RABGAP1: variants seen among roughly 807,000 people sequenced by gnomAD.
RABGAP1 encodes the protein RAB GTPase activating protein 1.
RABGAP1 carries 23 observed loss-of-function variants against 137.6 expected under a neutral mutation model. The ratio of observed to expected loss-of-function variants is 0.17; its 90% CI spans 0.12 to 0.24. The LOEUF (loss-of-function observed/expected upper bound fraction) is 0.24, where lower values mean the gene tolerates loss of function less well. Among genes scored for constraint, RABGAP1 ranks in the 10% least tolerant of loss-of-function variants. The pLI, the probability that RABGAP1 is intolerant of heterozygous loss-of-function variation, is 1.00. For synonymous variants in RABGAP1, 451 were observed against 450.7 expected (o/e 1.00, Z -0.01); for missense variants, 906 against 1,275.8 (o/e 0.71, Z 4.42).
intron 21 of RABGAP1, among the ~76,000 whole-genome samples, chr9:123,092,487 T>G (rs2035059654): frequency 6.6e-6 from 1 of 152,120 alleles, no homozygotes; most frequent in Non-Finnish European, 1.5e-5. Context: ...TTTTAACAGC[T>G]ATAAAACTTG....
At chr9:123,091,106 G>C (rs1464690627) in intron 21 of RABGAP1, among the ~76,000 whole-genome samples, 1 of 152,218 alleles carries the variant, frequency 6.6e-6, no homozygotes, top group Admixed American at 6.5e-5. Context: ...GCATGGCTAT[G>C]TTCCAGTTAA....
At chr9:123,036,128 A>G (rs566727595) in intron 13 of RABGAP1, among the ~76,000 whole-genome samples, 2 of 152,384 alleles carry the variant, frequency 1.3e-5, no homozygotes, top group African/African-American at 2.4e-5. Context: ...CTACACTGCA[A>G]GTTTCAACAC....
intron 13 of RABGAP1, among the ~76,000 whole-genome samples, chr9:123,056,092 C>T (rs1301651700): frequency 6.6e-6 from 1 of 152,162 alleles, no homozygotes; most frequent in South Asian, 2.1e-4. Context: ...AGGGTTGGTT[C>T]CTTTTGTTAG....
intron 10 of RABGAP1, among the ~76,000 whole-genome samples, chr9:123,009,746 T>C (rs371051454): frequency 5.9e-5 from 9 of 152,306 alleles, no homozygotes; most frequent in African/African-American, 2.2e-4. Flanking sequence ...GTAATCAACA[T>C]TTTTGTGGTT....
intron 17 of RABGAP1, among the ~76,000 whole-genome samples, chr9:123,074,768 C>T (rs1340899597): frequency 6.6e-6 from 1 of 152,226 alleles, no homozygotes; most frequent in Non-Finnish European, 1.5e-5. Context: ...GCGTGCCTTC[C>T]CCTCACTCTG....
intron 2 of RABGAP1, among the ~76,000 whole-genome samples, chr9:122,977,897 A>G (rs1202274565): frequency 6.6e-6 from 1 of 152,206 alleles, no homozygotes; most frequent in Non-Finnish European, 1.5e-5. Context: ...ACGTGAAGTT[A>G]ATGCCAAAGA....
chr9:122,960,718 C>T (rs935100661), intron 2 of RABGAP1, among the ~76,000 whole-genome samples: 1 of 152,098 alleles, frequency 6.6e-6, no homozygotes, highest in Non-Finnish European at 1.5e-5. Context: ...TAACACAGAG[C>T]TTTCAAGGTA....
At chr9:123,075,966 CT>C (rs940976355) in intron 17 of RABGAP1, among the ~76,000 whole-genome samples, 2 of 152,106 alleles carry the variant, frequency 1.3e-5, no homozygotes, top group African/African-American at 4.8e-5. Flanking sequence ...TATGACTGAT[CT>C]TTTGGTTTGG....
intron 19 of RABGAP1, among the ~76,000 whole-genome samples, chr9:123,078,541 A>G (rs2034595120): frequency 6.6e-6 from 1 of 152,208 alleles, no homozygotes; most frequent in Non-Finnish European, 1.5e-5. Context: ...AATATTTTCA[A>G]AGAAAATAGG....
At chr9:123,082,513 G>A (rs746956449) in intron 19 of RABGAP1, among the ~76,000 whole-genome samples, 4 of 152,218 alleles carry the variant, frequency 2.6e-5, no homozygotes, top group African/African-American at 9.6e-5. Context: ...TGCAAGGGAA[G>A]CTCTTTCTTC....
At chr9:122,933,394 C>A in the RABGAP1 span, among the ~76,000 whole-genome samples, 1 of 151,018 alleles carries the variant, frequency 6.6e-6, no homozygotes, top group Non-Finnish European at 1.5e-5. Flanking sequence ...ATAACTACAT[C>A]AGCTCTTTTT....
chr9:123,039,852 G>A (rs1350898947), intron 13 of RABGAP1, among the ~76,000 whole-genome samples: 2 of 152,066 alleles, frequency 1.3e-5, no homozygotes, highest in African/African-American at 4.8e-5. Flanking sequence ...TTTTGCTTTT[G>A]TCTCCCTTTC....
At chr9:122,933,440 AATTATTATT>A in the RABGAP1 span, among the ~76,000 whole-genome samples, 8 of 146,052 alleles carry the variant, frequency 5.5e-5, no homozygotes, top group Non-Finnish European at 9.0e-5. Flanking sequence ...TTTTTCATTA[AATTATTATT>A]ATTATTATTA....
At position 122,945,147 on chromosome 9, in the gene RABGAP1, C is replaced by CTTTTT. The variant is rs202090815; in HGVS notation, c.-50+4066_-50+4070dup. 1.5e-3 allele frequency among the ~76,000 whole-genome samples: 110 copies of CTTTTT among 75,820 alleles called. 17 individuals carry two copies. The highest frequency in any genetic ancestry group is 2.2e-3 in the Non-Finnish European group (76 of 34,986). The allele number at this position is 75,820 out of a possible 152,430, so 49.7% of individuals were successfully genotyped here. On this transcript the variant is annotated intron_variant, in intron 1 of 25. Coordinates refer to ENST00000373647, the MANE Select transcript of RABGAP1 (RefSeq NM_012197.4). Reference sequence around the variant, plus strand: ...CACCATGTATACATCATAGCTGTTGCTTTTTTTTTTTTTTTTAGCATAAAC... The same window carrying CTTTTT: ...CACCATGTATACATCATAGCTGTTGCTTTTTTTTTTTTTTTTTTTTTAGCATAAAC...
intron 15 of RABGAP1, among the ~76,000 whole-genome samples, chr9:123,072,637 G>C (rs1188978301): frequency 6.6e-6 from 1 of 152,180 alleles, no homozygotes; most frequent in African/African-American, 2.4e-5. Flanking sequence ...AAGTGAAGTT[G>C]CCTTCCATGA....
intron 13 of RABGAP1, among the ~76,000 whole-genome samples, chr9:123,040,915 G>T (rs1403195647): frequency 1.3e-5 from 2 of 152,090 alleles, no homozygotes; most frequent in African/African-American, 4.8e-5. Flanking sequence ...TTGCAGAGGA[G>T]AAACCAGCCC....
intron 13 of RABGAP1, among the ~76,000 whole-genome samples, chr9:123,042,817 A>AT (rs1211595626): frequency 6.6e-6 from 1 of 152,232 alleles, no homozygotes; most frequent in African/African-American, 2.4e-5. Context: ...TGTTTTCATA[A>AT]TGAAAAGGCC....
chr9:122,957,355 A>G, intron 2 of RABGAP1, 146 bp downstream of exon 2: 1 of 650,918 alleles, frequency 1.5e-6, no homozygotes, highest in Non-Finnish European at 2.3e-6. Context: ...ATTTGCACTT[A>G]GTGAGAAGTT....
chr9:122,968,890 C>T (rs112358955), intron 2 of RABGAP1, among the ~76,000 whole-genome samples: 134 of 152,340 alleles, frequency 8.8e-4, no homozygotes, highest in African/African-American at 3.0e-3. Context: ...GCTAGGATTA[C>T]AGGTGTGAGC....
Sources: gnomAD v4.1 joint callset for allele counts (sites outside exome capture counted in the v4.1 genomes callset) on GRCh38, gnomAD v4.1.1 for gene constraint, MANE v1.5 for transcripts, NCBI Gene and HGNC (gene_info 2026-07-23, HGNC 2026-07-21) for gene names.